Variants in PGRMC1 observed in about 807,000 individuals in gnomAD.
PGRMC1 encodes the protein membrane-associated progesterone receptor component 1.
For synonymous variants in PGRMC1, 73 were observed against 77.3 expected (o/e 0.94, Z 0.29); for missense variants, 145 against 169.0 (o/e 0.86, Z 0.79).
chrX:119,237,733 GACTGCTGC>G (rs1466534400), intron 1 of PGRMC1, among the ~76,000 whole-genome samples: 1 of 110,949 alleles, frequency 9.0e-6, no homozygotes, highest in Non-Finnish European at 1.9e-5. Flanking sequence ...AAGAATGGAT[GACTGCTGC>G]ACTGCTGAGC....
In PGRMC1 at chrX:119,236,543, C is replaced by T. The variant is rs766836889; in HGVS notation, c.180C>T (p.Asp60=). The T allele has an allele frequency of 1.7e-6, 2 of 1,206,321 alleles. No homozygotes were observed. The highest frequency in any genetic ancestry group is 2.2e-6 in the Non-Finnish European group (2 of 893,443). ...CGGCCAGCGGCGACAGCGACGACGA[C>T]GAGCCGCCCCCTCTGCCCCGCCTCA... The part of the protein sequence containing the change: ...QPAASGDSDD[D]EPPPLPRLKR... The change falls in exon 1 of 3, where the codon GAC becomes GAT. Residue 60 remains aspartate (D), a synonymous_variant. Coordinates refer to ENST00000217971, the MANE Select transcript of PGRMC1 (RefSeq NM_006667.5).
In PGRMC1 at chrX:119,240,737, G is replaced by A. The variant is rs980692559; in HGVS notation, c.484+273G>A. On this transcript the variant is annotated intron_variant, in intron 2 of 2. Transcript: ENST00000217971. ...GAGAGATTTGCTAGATTCCAAATGA[G>A]GATTTGGTGCTTGGTGTGTCAGGGA... Among the ~76,000 whole-genome samples, 5 of 111,711 alleles carry A rather than the reference G, an allele frequency of 4.5e-5. No homozygotes were observed. The Admixed American group carries it at 4.7e-4, about 11-fold the overall frequency.
At position 119,236,405 on chromosome X, in the gene PGRMC1, C is replaced by T; in HGVS notation, c.42C>T (p.Ser14=). ...EDVVATGADP[S]DLESGGLLHE... ...TGGTGGCGACTGGCGCCGACCCAAG[C>T]GATCTGGAGAGCGGCGGGCTGCTGC... Residue 14 remains serine (S), a synonymous_variant, in exon 1 of 3, where the codon AGC becomes AGT. Coordinates refer to ENST00000217971, the MANE Select transcript of PGRMC1 (RefSeq NM_006667.5). 1 of 1,211,374 alleles carries T rather than the reference C, an allele frequency of 8.3e-7. No individual in the cohort carries two copies. The highest frequency in any genetic ancestry group is 1.1e-6 in the Non-Finnish European group (1 of 895,045).
intron 1 of PGRMC1, among the ~76,000 whole-genome samples, chrX:119,239,712 T>G (rs1930774927): frequency 8.9e-6 from 1 of 111,979 alleles, no homozygotes; most frequent in Admixed American, 9.4e-5. Flanking sequence ...TGTTATCTAT[T>G]TATTGACAGT....
chrX:119,242,211 C>A (rs1930833624), intron 2 of PGRMC1, among the ~76,000 whole-genome samples: 1 of 104,521 alleles, frequency 9.6e-6, no homozygotes, highest in Non-Finnish European at 2.0e-5. Context: ...TCAGGGAAAC[C>A]TTTTTTTTTT....
chrX:119,236,794 G>A (rs1042664752), intron 1 of PGRMC1, 103 bp downstream of exon 1: 9 of 697,541 alleles, frequency 1.3e-5, no homozygotes, highest in Non-Finnish European at 1.9e-5. Flanking sequence ...CTGAGTGGAG[G>A]GAGGAATGGC....
At position 119,236,527 on chromosome X, in the gene PGRMC1, G is replaced by A; in HGVS notation, c.164G>A (p.Gly55Asp). Reference protein sequence around the residue: ...IVRGDQPAASGDSDDDEPPPL... With the variant: ...IVRGDQPAASDDSDDDEPPPL... ...CGCGGGGACCAGCCGGCGGCCAGCG[G>A]CGACAGCGACGACGACGAGCCGCCC... Residue 55 changes from glycine (G) to aspartate (D), a missense_variant, in exon 1 of 3, where the codon GGC (glycine) becomes GAC (aspartate). Transcript: ENST00000217971. 8.3e-7 allele frequency: 1 copy of A among 1,210,052 alleles called. No homozygotes were observed. The highest frequency in any genetic ancestry group is 1.1e-6 in the Non-Finnish European group (1 of 894,827).
At position 119,236,645 on chromosome X, in the gene PGRMC1, C is replaced by T. The variant is rs758567537; in HGVS notation, c.282C>T (p.Asn94=). The T allele has an allele frequency of 5.8e-6, 7 of 1,206,330 alleles. No homozygotes were observed. Among genetic ancestry groups the T allele is most frequent in the South Asian group, 3.6e-5 (2 of 56,118 alleles). Residue 94 remains asparagine (N), a synonymous_variant, in exon 1 of 3, where the codon AAC becomes AAT. Coordinates refer to ENST00000217971, the MANE Select transcript of PGRMC1 (RefSeq NM_006667.5). ...ACCCGCGCATACTCATGGCCATCAA[C>T]GGCAAGGTGTTCGATGTGACCAAAG... is the stretch of plus-strand genomic sequence containing the variant. The part of the protein sequence containing the change: ...VQDPRILMAI[N]GKVFDVTKGR...
In PGRMC1 at chrX:119,244,097, C is replaced by T. The variant is rs1309057628; in HGVS notation, c.*843C>T. The T allele has an allele frequency of 8.9e-6, 1 of 112,193 alleles. No individual in the cohort carries two copies. Among genetic ancestry groups the T allele is most frequent in the African/African-American group, 3.2e-5 (1 of 30,857 alleles). The allele number at this position is 112,193 out of a possible 1,213,427, so 9.2% of individuals were successfully genotyped here. ...TACAGAATAGGAACAGGTGTTTGCT[C>T]TCCTAAGAGCCTTCATGCACACCCC... On this transcript the variant is annotated 3_prime_UTR_variant, in exon 3 of 3. Transcript: ENST00000217971.
chrX:119,238,012 T>C (rs1250582801), intron 1 of PGRMC1, among the ~76,000 whole-genome samples: 1 of 111,176 alleles, frequency 9.0e-6, no homozygotes, highest in Non-Finnish European at 1.9e-5. Context: ...TCCTCCAATA[T>C]GGACTCCTCT....
At chrX:119,241,187 G>A (rs1206557579) in intron 2 of PGRMC1, among the ~76,000 whole-genome samples, 1 of 112,283 alleles carries the variant, frequency 8.9e-6, no homozygotes, top group East Asian at 2.8e-4. Context: ...AGTATATAAA[G>A]ACCATGAGCA....
At chrX:119,236,722 A>G in intron 1 of PGRMC1, 31 bp downstream of exon 1, 1 of 1,111,107 alleles carries the variant, frequency 9.0e-7, no homozygotes, top group Non-Finnish European at 1.2e-6. Flanking sequence ...GCTTGGAGAC[A>G]AAAGAAGGGG....
chrX:119,237,337 T>A (rs779993489), intron 1 of PGRMC1, among the ~76,000 whole-genome samples: 1 of 109,576 alleles, frequency 9.1e-6, no homozygotes, highest in South Asian at 4.1e-4. Context: ...TGTGCGTGTT[T>A]AGTGTATGTG....
intron 2 of PGRMC1, 54 bp from the exon 3 acceptor site, chrX:119,243,097 T>C: frequency 1.4e-6 from 1 of 740,467 alleles, no homozygotes. Context: ...AACGTGGTAA[T>C]GATGTTTTAG....
chrX:119,236,487 C>T lies in PGRMC1; in HGVS notation c.124C>T (p.Leu42Phe). Reference protein sequence around the residue: ...LLLLGLCIFLLYKIVRGDQPA... With the variant: ...LLLLGLCIFLFYKIVRGDQPA... ...GCTGCTTGGCCTCTGCATCTTCCTGCTCTACAAGATCGTGCGCGGGGACCA... is the reference window on the plus strand; with the variant it reads ...GCTGCTTGGCCTCTGCATCTTCCTGTTCTACAAGATCGTGCGCGGGGACCA... The change falls in exon 1 of 3, where the codon CTC becomes TTC. Residue 42 changes from leucine to phenylalanine, a missense_variant. Coordinates refer to ENST00000217971, the MANE Select transcript of PGRMC1 (RefSeq NM_006667.5). 8.3e-7 allele frequency: 1 copy of T among 1,210,869 alleles called. No individual in the cohort carries two copies. Among genetic ancestry groups the T allele is most frequent in the Non-Finnish European group, 1.1e-6 (1 of 894,976 alleles).
intron 2 of PGRMC1, among the ~76,000 whole-genome samples, chrX:119,241,119 C>T (rs1603280120): frequency 8.9e-6 from 1 of 112,338 alleles, no homozygotes; most frequent in East Asian, 2.8e-4. Flanking sequence ...AATTGTCACT[C>T]TAGCAATATT....
Sources: gnomAD v4.1 joint callset for allele counts (sites outside exome capture counted in the v4.1 genomes callset) on GRCh38, gnomAD v4.1.1 for gene constraint, MANE v1.5 for transcripts, NCBI Gene and HGNC (gene_info 2026-07-23, HGNC 2026-07-21) for gene names.